ZNF454: variants seen among roughly 807,000 people sequenced by gnomAD.
ZNF454 encodes zinc finger protein 454.
Under a neutral mutation model 48.2 loss-of-function variants are expected in ZNF454, and 30 were observed. The ratio of observed to expected loss-of-function variants is 0.62; its 90% CI spans 0.47 to 0.84. The LOEUF (loss-of-function observed/expected upper bound fraction) is 0.84. Among genes scored for constraint, ZNF454 ranks in the 40% least tolerant of loss-of-function variants. The pLI is 0.00. For synonymous variants in ZNF454, 204 were observed against 211.4 expected (o/e 0.97, Z 0.30); for missense variants, 510 against 623.1 (o/e 0.82, Z 1.93).
intron 2 of ZNF454, among the ~76,000 whole-genome samples, chr5:178,945,761 G>A (rs779048520): frequency 6.6e-6 from 1 of 151,854 alleles, no homozygotes; most frequent in Non-Finnish European, 1.5e-5. Flanking sequence ...AGAAAAGCAG[G>A]AGTTGCTGAG....
At chr5:178,969,498 A>G, downstream of ZNF454, 1 of 456,924 alleles carries the variant, frequency 2.2e-6, no homozygotes, top group South Asian at 1.5e-5. Flanking sequence ...CAGCTGTGAC[A>G]AGATGAAGGA....
chr5:178,985,588 A>G, the ZNF454 span: 30 of 349,656 alleles, frequency 8.6e-5, no homozygotes, highest in African/African-American at 3.0e-4. Flanking sequence ...CTGTAGTCCC[A>G]GCTACTCGGG....
rs772447104 is a variant in ZNF454 at position 178,965,934 on chromosome 5, C to T, written c.1530C>T (p.Asn510=). 54 of 1,599,666 alleles carry T rather than the reference C, an allele frequency of 3.4e-5. No homozygotes were observed. The highest frequency in any genetic ancestry group is 4.5e-5 in the Non-Finnish European group (53 of 1,173,928). Residue 510 remains asparagine (N), a synonymous_variant, in exon 5 of 5, where the codon AAC becomes AAT. Transcript: ENST00000519564. This position sits in a 1 kb window ranked among gnomAD's most constrained non-coding sequence, Gnocchi z 5.2. ...KCGKAFNQTA[N]LIQHQRHHIG... Reference sequence around the variant, plus strand: ...GGAAAGCTTTTAACCAGACTGCAAACCTCATTCAGCATCAGAGACATCATA... The same window carrying T: ...GGAAAGCTTTTAACCAGACTGCAAATCTCATTCAGCATCAGAGACATCATA...
chr5:178,961,596 G>A (rs1221027395), intron 4 of ZNF454, among the ~76,000 whole-genome samples: 1 of 151,516 alleles, frequency 6.6e-6, no homozygotes, highest in Non-Finnish European at 1.5e-5. Flanking sequence ...CGGGCGGATT[G>A]CCTCAGCTCA....
downstream of ZNF454, among the ~76,000 whole-genome samples, chr5:178,967,779 G>A (rs1385997117): frequency 6.0e-5 from 8 of 133,766 alleles, no homozygotes; most frequent in South Asian, 4.8e-4. Context: ...TTGCACTGTC[G>A]CCCAGGCTGG....
chr5:178,958,627 T>C (rs1759873923), intron 4 of ZNF454, among the ~76,000 whole-genome samples: 1 of 152,230 alleles, frequency 6.6e-6, no homozygotes, highest in African/African-American at 2.4e-5. Flanking sequence ...TGATTATGCA[T>C]ATGCAAACTC....
chr5:178,984,848 G>A, the ZNF454 span, among the ~76,000 whole-genome samples: 1 of 152,128 alleles, frequency 6.6e-6, no homozygotes, highest in Non-Finnish European at 1.5e-5. Flanking sequence ...GGGTGAGCAG[G>A]TGTTCGCACT....
Position 178,965,211 on chromosome 5 carries a change from G to A in ZNF454, c.807G>A (p.Glu269=). Residue 269 remains glutamate (E), a synonymous_variant, in exon 5 of 5, where the codon GAG becomes GAA. Coordinates refer to ENST00000519564, the MANE Select transcript of ZNF454 (RefSeq NM_001178089.3). This position sits in a 1 kb window ranked among gnomAD's most constrained non-coding sequence, Gnocchi z 5.2. ...LTYHQKIHTG[E]KPFECNLCGK... is the part of the protein sequence containing the mutation. ...ACCATCAGAAAATTCATACTGGAGA[G>A]AAGCCTTTTGAATGCAACTTATGTG... 1 of 1,614,180 alleles carries A rather than the reference G, an allele frequency of 6.2e-7. No homozygotes were observed. The highest frequency in any genetic ancestry group is 8.5e-7 in the Non-Finnish European group (1 of 1,180,038).
At chr5:178,985,686 C>T in the ZNF454 span, 2 of 396,696 alleles carry the variant, frequency 5.0e-6, no homozygotes, top group African/African-American at 4.7e-5. Context: ...CTGGGCGACA[C>T]AGCGAGACTC....
Position 178,965,862 on chromosome 5 carries a change from T to C in ZNF454, c.1458T>C (p.His486=). The C allele has an allele frequency of 6.2e-7, 1 of 1,614,082 alleles. No homozygotes were observed. Among genetic ancestry groups the C allele is most frequent in the South Asian group, 1.1e-5 (1 of 91,082 alleles). ...TCCGAAGCACTCACCTGACTCAACA[T>C]CAGAGGATTCACACAGGAGAGAAAC... ...AFIRSTHLTQ[H]QRIHTGEKPY... The change falls in exon 5 of 5, where the codon CAT becomes CAC. Residue 486 remains histidine, a synonymous_variant. Coordinates refer to ENST00000519564, the MANE Select transcript of ZNF454 (RefSeq NM_001178089.3). The surrounding 1 kb of genome is among the most constrained non-coding windows in gnomAD (Gnocchi z 5.2).
Position 178,965,055 on chromosome 5 carries a change from A to G in ZNF454, c.651A>G (p.Glu217=), listed in dbSNP as rs905881395. ...TTCATATTAAGGAGAAAAGATATGA[A>G]TGTAGAGAATGTGGGAAAGCCTTTC... ...QKIHIKEKRY[E]CRECGKAFHQ... The change falls in exon 5 of 5, where the codon GAA becomes GAG. Residue 217 remains glutamate (E), a synonymous_variant. Coordinates refer to ENST00000519564, the MANE Select transcript of ZNF454 (RefSeq NM_001178089.3). This position sits in a 1 kb window ranked among gnomAD's most constrained non-coding sequence, Gnocchi z 5.2. 3 of 1,614,254 alleles carry G rather than the reference A, an allele frequency of 1.9e-6. No individual in the cohort carries two copies. Among genetic ancestry groups the G allele is most frequent in the Non-Finnish European group, 1.7e-6 (2 of 1,180,044 alleles).
the ZNF454 span, chr5:178,981,912 C>T: frequency 9.7e-7 from 1 of 1,033,008 alleles, no homozygotes; most frequent in South Asian, 1.3e-5. The surrounding 1 kb of genome is among the most constrained non-coding windows in gnomAD (Gnocchi z 5.1). Context: ...TGCCCCGCTC[C>T]ACACAGTCCT....
At chr5:178,982,758 A>AT in the ZNF454 span, 4 of 646,630 alleles carry the variant, frequency 6.2e-6, no homozygotes, top group Non-Finnish European at 1.1e-5. Context: ...GGAAAAGTGA[A>AT]TGAATGAACA....
downstream of ZNF454, chr5:178,969,241 G>A: frequency 2.8e-6 from 1 of 359,012 alleles, no homozygotes; most frequent in Non-Finnish European, 5.5e-6. Context: ...CTCTACCTGG[G>A]CATTCTCACC....
the ZNF454 span, among the ~76,000 whole-genome samples, chr5:178,975,205 C>T: frequency 1.2e-4 from 18 of 152,038 alleles, no homozygotes; most frequent in Non-Finnish European, 2.9e-5. Context: ...CACTTGAACC[C>T]GGGAGGTGGA....
the ZNF454 span, chr5:178,989,320 G>A: frequency 6.2e-7 from 1 of 1,611,966 alleles, no homozygotes; most frequent in Non-Finnish European, 8.5e-7. Flanking sequence ...TCAGTTTGCA[G>A]TTAAAATTCT....
chr5:178,964,789 C>T lies in ZNF454; in HGVS notation c.385C>T (p.Gln129Ter). The T allele has an allele frequency of 6.2e-7, 1 of 1,614,164 alleles. No homozygotes were observed. The highest frequency in any genetic ancestry group is 8.5e-7 in the Non-Finnish European group (1 of 1,180,042). The change falls in exon 5 of 5, where the codon CAA becomes TAA. Residue 129 changes from glutamine to a stop codon, truncating the protein, a stop_gained. Transcript: ENST00000519564. LOFTEE classifies it high-confidence loss of function. Reference sequence around the variant, plus strand: ...GAAGTGTGCTAGCCTGCTGGAGTGGCAATGTGGAGGCCAGGAGATCAGTTT... The same window carrying T: ...GAAGTGTGCTAGCCTGCTGGAGTGGTAATGTGGAGGCCAGGAGATCAGTTT... ...HWKCASLLEW[Q>*]CGGQEISLQR...
At chr5:178,969,875 A>C (rs940855009), downstream of ZNF454, among the ~76,000 whole-genome samples, 1 of 152,142 alleles carries the variant, frequency 6.6e-6, no homozygotes. Context: ...TACCGAAAAA[A>C]AACAGTTGCT....
chr5:178,988,892 C>G, the ZNF454 span: 2 of 1,534,158 alleles, frequency 1.3e-6, no homozygotes, highest in Admixed American at 1.7e-5. This position sits in a 1 kb window ranked among gnomAD's most constrained non-coding sequence, Gnocchi z 6.0. Context: ...ATCCAGCCCC[C>G]CAGCTGTCCT....
Sources: allele counts gnomAD v4.1 joint callset (sites outside exome capture counted in the v4.1 genomes callset), GRCh38; gene constraint gnomAD v4.1.1; non-coding constraint Gnocchi (gnomAD v3.1); transcripts MANE v1.5; gene names NCBI Gene and HGNC (gene_info 2026-07-23, HGNC 2026-07-21).